Variants in AGBL3 observed in about 807,000 individuals in gnomAD.
The protein encoded by AGBL3 is cytosolic carboxypeptidase 3.
AGBL3 carries 68 observed loss-of-function variants against 94.5 expected under a neutral mutation model. That is an observed-to-expected ratio of 0.72 (90% CI 0.59 to 0.88). The LOEUF is 0.88. AGBL3 is among the 40% of genes least tolerant of loss of function. The probability of loss-of-function intolerance (pLI) is 0.00; values close to 1 mark genes in which losing one functional copy is unlikely to be tolerated. For synonymous variants in AGBL3, 354 were observed against 370.7 expected (o/e 0.95, Z 0.52); for missense variants, 934 against 1,103.8 (o/e 0.85, Z 2.18).
chr7:135,021,482 C>T (rs9642010), intron 5 of AGBL3, among the ~76,000 whole-genome samples: 136,643 of 147,896 alleles, frequency 0.92, 63,896 homozygotes, highest in Non-Finnish European at 1. Context: ...TTAGTAGAGA[C>T]GGGGTTTCAC....
intron 4 of AGBL3, among the ~76,000 whole-genome samples, chr7:135,005,092 C>T (rs1195477444): frequency 6.6e-6 from 1 of 151,622 alleles, no homozygotes; most frequent in Non-Finnish European, 1.5e-5. Context: ...TGCTTTATCA[C>T]ATATGTAGCC....
intron 5 of AGBL3, among the ~76,000 whole-genome samples, chr7:135,019,383 T>G (rs1814164309): frequency 6.6e-6 from 1 of 152,228 alleles, no homozygotes; most frequent in East Asian, 1.9e-4. Flanking sequence ...TCTTTCAAAT[T>G]TAGTGCATTT....
At chr7:135,065,067 T>A (rs1164558610) in intron 12 of AGBL3, among the ~76,000 whole-genome samples, 2 of 152,188 alleles carry the variant, frequency 1.3e-5, no homozygotes, top group Admixed American at 6.5e-5. Flanking sequence ...CTCACTATAC[T>A]AAGTCTGGTT....
intron 16 of AGBL3, chr7:135,128,791 G>T: frequency 8.1e-7 from 1 of 1,230,124 alleles, no homozygotes; most frequent in South Asian, 1.3e-5. Flanking sequence ...TTCTGGATCT[G>T]ATACAGACCA....
intron 5 of AGBL3, among the ~76,000 whole-genome samples, chr7:135,027,665 C>A (rs1563197063): frequency 6.6e-6 from 1 of 151,238 alleles, no homozygotes; most frequent in Admixed American, 6.6e-5. Context: ...TCTGAGTTGG[C>A]TTTTTTTTCT....
intron 7 of AGBL3, among the ~76,000 whole-genome samples, chr7:135,036,096 C>A (rs1816278945): frequency 6.6e-6 from 1 of 151,928 alleles, no homozygotes; most frequent in South Asian, 2.1e-4. Context: ...ATTTTTGTTA[C>A]AAATGTAATA....
chr7:135,082,505 AAT>A (rs1821002031), intron 15 of AGBL3, among the ~76,000 whole-genome samples: 1 of 152,128 alleles, frequency 6.6e-6, no homozygotes, highest in Non-Finnish European at 1.5e-5. Flanking sequence ...ATGAGTGCAA[AAT>A]ATATCTTTAT....
intron 16 of AGBL3, among the ~76,000 whole-genome samples, chr7:135,123,651 A>G (rs911633950): frequency 3.3e-5 from 5 of 152,198 alleles, no homozygotes; most frequent in African/African-American, 7.2e-5. Context: ...GAGAAAGGCC[A>G]GGTCATCTAC....
chr7:135,089,407 G>A (rs1263853120), intron 15 of AGBL3, among the ~76,000 whole-genome samples: 1 of 152,120 alleles, frequency 6.6e-6, no homozygotes, highest in African/African-American at 2.4e-5. Flanking sequence ...CTTTAGTGGT[G>A]TCATATTTCC....
intron 15 of AGBL3, among the ~76,000 whole-genome samples, chr7:135,103,557 A>G (rs1053252725): frequency 2.0e-5 from 3 of 152,214 alleles, no homozygotes; most frequent in Admixed American, 6.5e-5. Context: ...ATTTAACAGA[A>G]AGGCCTTCAA....
Position 135,032,980 on chromosome 7 carries a change from A to C in AGBL3, c.555A>C (p.Lys185Asn). 1 of 1,546,444 alleles carries C rather than the reference A, an allele frequency of 6.5e-7. No homozygotes were observed. Among genetic ancestry groups the C allele is most frequent in the South Asian group, 1.2e-5 (1 of 82,912 alleles). Residue 185 changes from lysine to asparagine, a missense_variant and splice_region_variant, in exon 6 of 17, where the codon AAA (lysine) becomes AAC (asparagine). By Grantham distance (94) the Lys-to-Asn change is moderately conservative. This residue lies in a region of AGBL3 where 488 missense variants were observed against 563.6 expected (regional missense o/e 0.87). Coordinates refer to ENST00000436302, the MANE Select transcript of AGBL3 (RefSeq NM_178563.4). ...FESGNLQKVV[K>N]VAEYEYQLTV... Reference sequence around the variant, plus strand: ...GTGGTAATCTACAGAAGGTAGTCAAAGTGTAGGTTCTAATTATTTTTATTT... The same window carrying C: ...GTGGTAATCTACAGAAGGTAGTCAACGTGTAGGTTCTAATTATTTTTATTT...
intron 5 of AGBL3, 129 bp from the exon 6 acceptor site, chr7:135,032,715 A>G: frequency 2.6e-6 from 2 of 765,282 alleles, no homozygotes; most frequent in Non-Finnish European, 3.9e-6. Context: ...ACATGTCTAT[A>G]TAAATTAGTG....
chr7:135,036,821 G>T (rs1816356728), intron 7 of AGBL3, among the ~76,000 whole-genome samples: 1 of 152,152 alleles, frequency 6.6e-6, no homozygotes, highest in Non-Finnish European at 1.5e-5. Flanking sequence ...ATGGGCAAAG[G>T]CAAGAGTGAA....
At chr7:135,064,363 T>C (rs1819095146) in intron 12 of AGBL3, among the ~76,000 whole-genome samples, 1 of 152,196 alleles carries the variant, frequency 6.6e-6, no homozygotes, top group Non-Finnish European at 1.5e-5. Flanking sequence ...TAAAGCCTGG[T>C]AGGCTTCGGA....
chr7:135,101,262 A>G (rs1462299272), intron 15 of AGBL3: 2 of 456,040 alleles, frequency 4.4e-6, no homozygotes, highest in East Asian at 1.4e-4. Context: ...TGAGAAGACA[A>G]GGATACCAAC....
intron 12 of AGBL3, among the ~76,000 whole-genome samples, chr7:135,072,292 AG>A (rs901858014): frequency 7.2e-4 from 109 of 152,360 alleles, no homozygotes; most frequent in Non-Finnish European, 2.6e-4. Context: ...GTGGAGAAAT[AG>A]GAACACTTTC....
At chr7:135,096,558 A>AAGAAAGATAGATAGATAGAT (rs1303741491) in intron 15 of AGBL3, among the ~76,000 whole-genome samples, 41 of 79,730 alleles carry the variant, frequency 5.1e-4, no homozygotes, top group South Asian at 1.2e-3. Flanking sequence ...GAAAGAAAGA[A>AAGAAAGATAGATAGATAGAT]AGATAGATAG....
chr7:135,125,726 A>G (rs972686536), intron 16 of AGBL3, among the ~76,000 whole-genome samples: 3 of 152,244 alleles, frequency 2.0e-5, no homozygotes, highest in Non-Finnish European at 2.9e-5. Flanking sequence ...CCTGGGATGC[A>G]AGGCTGGTTC....
chr7:135,040,342 C>A (rs1228463728), intron 8 of AGBL3, among the ~76,000 whole-genome samples: 1 of 152,106 alleles, frequency 6.6e-6, no homozygotes, highest in Non-Finnish European at 1.5e-5. Flanking sequence ...AGACTAATAT[C>A]CCTCATGGAC....
Sources: gnomAD v4.1 joint callset for allele counts (sites outside exome capture counted in the v4.1 genomes callset) on GRCh38, gnomAD v4.1.1 for gene constraint, gnomAD v4.1.1 regional missense constraint, MANE v1.5 for transcripts, NCBI Gene and HGNC (gene_info 2026-07-23, HGNC 2026-07-21) for gene names.